The following VWF variants were observed in gnomAD, a reference collection of about 807,000 sequenced individuals.
The protein encoded by VWF is Factor VIII related antigen.
In VWF, 176 loss-of-function variants were observed where a neutral mutation model predicts 308.6. The observed-to-expected ratio is 0.57, with a 90% CI of 0.50 to 0.65. The LOEUF (loss-of-function observed/expected upper bound fraction) is 0.65. Ranked by LOEUF, VWF falls within the 30% of genes least tolerant of loss-of-function variation. The pLI is 0.00. For synonymous variants in VWF, 1,385 were observed against 1,443.4 expected, an observed-to-expected ratio of 0.96 and a Z score of 0.92; for missense variants, 3,146 against 3,648.2, an observed-to-expected ratio of 0.86 and a Z score of 3.55.
chr12:6,101,034 A>G (rs1426376373), intron 5 of VWF, among the ~76,000 whole-genome samples: 1 of 152,212 alleles, frequency 6.6e-6, no homozygotes, highest in East Asian at 1.9e-4. Context: ...ATAAAAGAAC[A>G]AGATAATAAG....
In VWF at chr12:5,968,173, G is replaced by T; in HGVS notation, c.7730-6C>A. ...CATGCAGGCCTCCATGCGCTCTGGGGGAGAGAAAAGTGCAGAGTGAGAGTG... is the reference window on the plus strand; with the variant it reads ...CATGCAGGCCTCCATGCGCTCTGGGTGAGAGAAAAGTGCAGAGTGAGAGTG... On this transcript the variant is annotated splice_polypyrimidine_tract_variant and splice_region_variant and intron_variant, in intron 45 of 51. Transcript: ENST00000261405. 6.2e-7 allele frequency: 1 copy of T among 1,614,028 alleles called. No homozygotes were observed. The highest frequency in any genetic ancestry group is 8.5e-7 in the Non-Finnish European group (1 of 1,179,982).
At chr12:6,094,600 C>T (rs886142251) in intron 6 of VWF, among the ~76,000 whole-genome samples, 2 of 152,178 alleles carry the variant, frequency 1.3e-5, no homozygotes, top group Non-Finnish European at 2.9e-5. Flanking sequence ...CCCAAAGTGA[C>T]GCTATTAAAA....
rs1356836169 is a variant in VWF, at chr12:6,092,673, G to GTGTGTGTGTGTGTGTA, written c.657+2786_657+2787insTACACACACACACACA. Among the ~76,000 whole-genome samples, 193 of 123,662 alleles carry GTGTGTGTGTGTGTGTA rather than the reference G, an allele frequency of 1.6e-3. 8 individuals are homozygous for GTGTGTGTGTGTGTGTA. The highest frequency in any genetic ancestry group is 2.6e-3 in the African/African-American group (68 of 25,964). The allele number at this position is 123,662 out of a possible 152,430, so 81.1% of individuals were successfully genotyped here. A position where few individuals can be genotyped will look rare whatever the true frequency, so the allele number is the denominator to read the frequency against. ...TGTGTGTGTGTGTGTGTGTGTGTGT[G>GTGTGTGTGTGTGTGTA]CTGACCAGCATTCCTTCCTGGTAAG... is the stretch of plus-strand genomic sequence containing the variant. On this transcript the variant is annotated intron_variant, in intron 6 of 51. Transcript: ENST00000261405.
At chr12:6,119,811 A>C (rs1415633578) in intron 3 of VWF, among the ~76,000 whole-genome samples, 1 of 152,184 alleles carries the variant, frequency 6.6e-6, no homozygotes, top group African/African-American at 2.4e-5. Context: ...CACTCACTGC[A>C]CTCCAGCCTG....
At chr12:6,043,733 G>A (rs74058509) in intron 18 of VWF, among the ~76,000 whole-genome samples, 6,018 of 152,242 alleles carry the variant, frequency 0.04, 148 homozygotes, top group Middle Eastern at 0.068. Flanking sequence ...GCACAGCACC[G>A]GAGTCATGGA....
chr12:5,968,350 C>A, intron 45 of VWF, 183 bp from the exon 46 acceptor site: 1 of 639,312 alleles, frequency 1.6e-6, no homozygotes, highest in Non-Finnish European at 2.7e-6. Context: ...ACAGCGGCCT[C>A]CCTTCCCCAT....
rs921579873 is a variant in VWF, at chr12:6,095,695, A to G, written c.533-111T>C. 8 of 1,504,512 alleles carry G rather than the reference A, an allele frequency of 5.3e-6. No homozygotes were observed. In the East Asian group the frequency reaches 6.9e-5, roughly 13 times the overall value. The allele number at this position is 1,504,512 out of a possible 1,614,324, so 93.2% of individuals were successfully genotyped here. ...TTTGTGTGTTTTGTTTTAATTTTTT[A>G]TAAAGAGACAGGGTCTGGCTATGTT... On this transcript the variant is annotated intron_variant, in intron 5 of 51. Transcript: ENST00000261405.
chr12:6,092,606 T>TGAGTGAGTGA (rs1555073672), intron 6 of VWF, among the ~76,000 whole-genome samples: 7 of 47,554 alleles, frequency 1.5e-4, no homozygotes, highest in African/African-American at 9.6e-4. Flanking sequence ...AGCTAGTTAG[T>TGAGTGAGTGA]GAGTGAGTGA....
intron 34 of VWF, among the ~76,000 whole-genome samples, chr12:6,010,057 C>T (rs1943975758): frequency 6.6e-6 from 1 of 152,128 alleles, no homozygotes; most frequent in Non-Finnish European, 1.5e-5. Context: ...TGCTGTACAA[C>T]AACTTGCAAA....
chr12:6,059,918 T>G (rs1225841549), intron 13 of VWF, among the ~76,000 whole-genome samples: 1 of 152,232 alleles, frequency 6.6e-6, no homozygotes, highest in Non-Finnish European at 1.5e-5. Flanking sequence ...TAACTGGTGG[T>G]GCACCTCCAC....
chr12:6,068,375 C>G (rs1303565310), intron 10 of VWF, among the ~76,000 whole-genome samples: 1 of 152,160 alleles, frequency 6.6e-6, no homozygotes, highest in African/African-American at 2.4e-5. Flanking sequence ...CAGAAATGCC[C>G]AACCCACAGG....
At chr12:6,026,558 A>G (rs1944195021) in intron 22 of VWF, among the ~76,000 whole-genome samples, 2 of 152,344 alleles carry the variant, frequency 1.3e-5, no homozygotes, top group Admixed American at 1.3e-4. Flanking sequence ...AAATGTAATC[A>G]GGAAGATATG....
chr12:5,967,412 C>G lies in VWF; in HGVS notation c.7887+74G>C, dbSNP rs185085412. ...ATGAGAGATTTATTTATTTAAAGACCGCAGTGAGGTCCCACTGCCTGGGTC... is the reference window on the plus strand; with the variant it reads ...ATGAGAGATTTATTTATTTAAAGACGGCAGTGAGGTCCCACTGCCTGGGTC... On this transcript the variant is annotated intron_variant, in intron 47 of 51. Transcript: ENST00000261405. 1.6e-4 allele frequency: 183 copies of G among 1,111,794 alleles called. No homozygotes were observed. In the African/African-American group the frequency reaches 2.0e-3, roughly 12 times the overall value. The allele number at this position is 1,111,794 out of a possible 1,614,324, so 68.9% of individuals were successfully genotyped here. A position where few individuals can be genotyped will look rare whatever the true frequency, so the allele number is the denominator to read the frequency against.
intron 40 of VWF, among the ~76,000 whole-genome samples, chr12:5,983,618 TAGAC>T (rs959518247): frequency 3.5e-4 from 53 of 151,758 alleles, no homozygotes; most frequent in African/African-American, 7.0e-4. Context: ...ATAGGGTAGA[TAGAC>T]AGATAGATAT....
At chr12:6,042,474 C>T (rs190620735) in intron 18 of VWF, among the ~76,000 whole-genome samples, 3 of 152,322 alleles carry the variant, frequency 2.0e-5, no homozygotes, top group Admixed American at 6.5e-5. Context: ...ACGCTGCGCA[C>T]CCTTAATAAA....
chr12:6,027,865 CACA>C (rs1944212797), intron 22 of VWF, among the ~76,000 whole-genome samples: 1 of 151,802 alleles, frequency 6.6e-6, no homozygotes, highest in Non-Finnish European at 1.5e-5. Flanking sequence ...CACACACACA[CACA>C]CACACACACA....
intron 21 of VWF, 104 bp from the exon 22 acceptor site, chr12:6,029,592 G>C: frequency 6.8e-7 from 1 of 1,459,868 alleles, no homozygotes; most frequent in Non-Finnish European, 9.4e-7. Flanking sequence ...GTGCCCACGA[G>C]TGCAGGCACT....
chr12:5,968,299 C>A (rs1036001415), intron 45 of VWF, 132 bp from the exon 46 acceptor site: 22 of 1,102,604 alleles, frequency 2.0e-5, no homozygotes, highest in Admixed American at 4.1e-5. Context: ...CCTTTCCCCC[C>A]ACCCCACAAC....
intron 6 of VWF, among the ~76,000 whole-genome samples, chr12:6,085,720 G>A (rs780812969): frequency 1.3e-5 from 2 of 149,124 alleles, no homozygotes; most frequent in Admixed American, 1.3e-4. Context: ...TGGGCGGGGA[G>A]GGGGGGCGCG....
Sources: gnomAD v4.1 joint callset for allele counts (sites outside exome capture counted in the v4.1 genomes callset) on GRCh38, gnomAD v4.1.1 for gene constraint, MANE v1.5 for transcripts, NCBI Gene and HGNC (gene_info 2026-07-23, HGNC 2026-07-21) for gene names.